CFAP77: variants seen among roughly 807,000 people sequenced by gnomAD.
CFAP77 encodes cilia- and flagella-associated protein 77.
Under a neutral mutation model 31.1 loss-of-function variants are expected in CFAP77, and 25 were observed. That is an observed-to-expected ratio of 0.80 (90% CI 0.59 to 1.12). CFAP77 has a LOEUF of 1.12. CFAP77 is among the 50% of genes most tolerant of loss of function. CFAP77 has a pLI of 0.00. For missense variants in CFAP77, 377 were observed against 397.3 expected (o/e 0.95, Z 0.44); for synonymous variants, 151 against 159.9 (o/e 0.94, Z 0.42).
intron 1 of CFAP77, among the ~76,000 whole-genome samples, chr9:132,451,803 TTTTC>T (rs1456171582): frequency 2.0e-5 from 3 of 148,950 alleles, no homozygotes; most frequent in African/African-American, 7.4e-5. Context: ...TTTCTTTTTC[TTTTC>T]TTTTTTTTTT....
rs1476240334 is a variant in CFAP77 at position 132,490,895 on chromosome 9, C to G, written c.196-7800C>G. 2.6e-5 allele frequency among the ~76,000 whole-genome samples: 4 copies of G among 152,160 alleles called. No individual in the cohort carries two copies. The highest frequency in any genetic ancestry group is 5.9e-5 in the Non-Finnish European group (4 of 68,032). ...TCTGCATGGCGTCTGCGTGTTCTCCCCGTGTCTGTGTGGGTTTTTCTCCAG... is the reference window on the plus strand; with the variant it reads ...TCTGCATGGCGTCTGCGTGTTCTCCGCGTGTCTGTGTGGGTTTTTCTCCAG... On this transcript the variant is annotated intron_variant, in intron 1 of 5. Coordinates refer to ENST00000393216, the MANE Select transcript of CFAP77 (RefSeq NM_001282957.2). This position sits in a 1 kb window ranked among gnomAD's most constrained non-coding sequence, Gnocchi z 4.6.
intron 5 of CFAP77, among the ~76,000 whole-genome samples, chr9:132,544,834 C>T (rs569238295): frequency 6.6e-6 from 1 of 152,280 alleles, no homozygotes; most frequent in South Asian, 2.1e-4. Flanking sequence ...CCCTGCAGTT[C>T]ATGGGGACGC....
chr9:132,444,974 C>CTTTT (rs564127221), intron 1 of CFAP77, among the ~76,000 whole-genome samples: 5 of 133,754 alleles, frequency 3.7e-5, no homozygotes, highest in African/African-American at 8.3e-5. Flanking sequence ...TTCTTTCTTT[C>CTTTT]TTTTTTTTTT....
chr9:132,496,953 T>G (rs111809779), intron 1 of CFAP77, among the ~76,000 whole-genome samples: 7 of 152,242 alleles, frequency 4.6e-5, no homozygotes, highest in African/African-American at 1.7e-4. Context: ...GCAGAACAGA[T>G]AGCTAAGAGT....
At chr9:132,413,947 C>T (rs1309101276) in intron 1 of CFAP77, among the ~76,000 whole-genome samples, 1 of 152,214 alleles carries the variant, frequency 6.6e-6, no homozygotes, top group Non-Finnish European at 1.5e-5. Flanking sequence ...GGCTGGAAGA[C>T]ATCTTACAGA....
At chr9:132,443,323 G>A (rs1406250853) in intron 1 of CFAP77, among the ~76,000 whole-genome samples, 1 of 149,012 alleles carries the variant, frequency 6.7e-6, no homozygotes, top group African/African-American at 2.5e-5. Flanking sequence ...GCGTGATCTC[G>A]GCTCACCGCA....
chr9:132,475,347 A>G (rs1007740981), intron 1 of CFAP77, among the ~76,000 whole-genome samples: 5 of 152,226 alleles, frequency 3.3e-5, no homozygotes, highest in Non-Finnish European at 5.9e-5. Context: ...GGGCCTGAGC[A>G]GATGTTGAAT....
chr9:132,423,063 A>C (rs984561486), intron 1 of CFAP77, among the ~76,000 whole-genome samples: 2 of 152,148 alleles, frequency 1.3e-5, no homozygotes, highest in African/African-American at 4.8e-5. Flanking sequence ...CTTAGGGCTG[A>C]GTGTTGGGCT....
At chr9:132,486,686 G>A (rs879632002) in intron 1 of CFAP77, among the ~76,000 whole-genome samples, 1 of 152,250 alleles carries the variant, frequency 6.6e-6, no homozygotes, top group African/African-American at 2.4e-5. Context: ...CCCAGAGGCC[G>A]GGGACTCCGA....
chr9:132,572,161 C>T (rs1447875535), intron 5 of CFAP77, among the ~76,000 whole-genome samples: 2 of 152,128 alleles, frequency 1.3e-5, no homozygotes, highest in African/African-American at 4.8e-5. Flanking sequence ...TGTATCTTCC[C>T]CAGCAAGGAG....
chr9:132,552,615 G>T lies in CFAP77; in HGVS notation c.732+9568G>T, dbSNP rs544819802. On this transcript the variant is annotated intron_variant, in intron 5 of 5. Coordinates refer to ENST00000393216, the MANE Select transcript of CFAP77 (RefSeq NM_001282957.2). The surrounding 1 kb of genome is among the most constrained non-coding windows in gnomAD (Gnocchi z 5.5). Reference sequence around the variant, plus strand: ...GCAGGCTGAGGCAGGAGAATTGCTTGAACCTGGGAGGTTGAGGTTGCTGTG... The same window carrying T: ...GCAGGCTGAGGCAGGAGAATTGCTTTAACCTGGGAGGTTGAGGTTGCTGTG... 1.3e-5 allele frequency among the ~76,000 whole-genome samples: 2 copies of T among 151,258 alleles called. No individual in the cohort carries two copies. The highest frequency in any genetic ancestry group is 1.3e-4 in the Admixed American group (2 of 15,154).
At chr9:132,465,066 T>A (rs1851126816) in intron 1 of CFAP77, among the ~76,000 whole-genome samples, 1 of 121,986 alleles carries the variant, frequency 8.2e-6, no homozygotes, top group Admixed American at 9.4e-5. Flanking sequence ...AGAGCGAGAC[T>A]CTGTCTCAAA....
chr9:132,566,812 C>CCT (rs1829889590), intron 5 of CFAP77, among the ~76,000 whole-genome samples: 2 of 152,184 alleles, frequency 1.3e-5, no homozygotes, highest in African/African-American at 4.8e-5. Context: ...CCCTCCTGTT[C>CCT]TCTCCCTTCC....
intron 1 of CFAP77, among the ~76,000 whole-genome samples, chr9:132,420,559 G>T (rs919485247): frequency 6.6e-6 from 1 of 151,884 alleles, no homozygotes; most frequent in African/African-American, 2.4e-5. Context: ...TACTCGGGAG[G>T]CTGAGGCAGG....
At chr9:132,456,349 G>T (rs1850913013) in intron 1 of CFAP77, among the ~76,000 whole-genome samples, 3 of 152,146 alleles carry the variant, frequency 2.0e-5, no homozygotes, top group African/African-American at 7.2e-5. Flanking sequence ...ACGTGCCTGT[G>T]CCTGTTCCCA....
At chr9:132,505,858 C>T (rs919682918) in intron 3 of CFAP77, among the ~76,000 whole-genome samples, 21 of 151,886 alleles carry the variant, frequency 1.4e-4, no homozygotes, top group African/African-American at 4.6e-4. Flanking sequence ...CTGGTGTAGA[C>T]GGATTGTCTC....
At chr9:132,446,819 A>G (rs559348381) in intron 1 of CFAP77, among the ~76,000 whole-genome samples, 4 of 152,044 alleles carry the variant, frequency 2.6e-5, no homozygotes, top group Non-Finnish European at 5.9e-5. Context: ...AAGCATGCCA[A>G]ATGCTTTCAA....
At chr9:132,437,500 T>G (rs2151336) in intron 1 of CFAP77, among the ~76,000 whole-genome samples, 5 of 147,636 alleles carry the variant, frequency 3.4e-5, no homozygotes, top group South Asian at 2.1e-4. Context: ...GGACCACTTT[T>G]GCATTTTTTT....
rs945219872 is a variant in CFAP77 at position 132,572,876 on chromosome 9, G to A, written c.*366G>A. 2.0e-5 allele frequency: 5 copies of A among 252,960 alleles called. No homozygotes were observed. The highest frequency in any genetic ancestry group is 3.7e-5 in the Non-Finnish European group (5 of 133,344). The allele number at this position is 252,960 out of a possible 1,614,324, so 15.7% of individuals were successfully genotyped here. On this transcript the variant is annotated 3_prime_UTR_variant, in exon 6 of 6. Coordinates refer to ENST00000393216, the MANE Select transcript of CFAP77 (RefSeq NM_001282957.2). ...GATTCCATGGCTCTGCCCATTAAGTGTTAAGAACGACCTGTGTATTTGCTG... is the reference window on the plus strand; with the variant it reads ...GATTCCATGGCTCTGCCCATTAAGTATTAAGAACGACCTGTGTATTTGCTG...
Sources: allele counts gnomAD v4.1 joint callset (sites outside exome capture counted in the v4.1 genomes callset), GRCh38; gene constraint gnomAD v4.1.1; non-coding constraint Gnocchi (gnomAD v3.1); transcripts MANE v1.5; gene names NCBI Gene and HGNC (gene_info 2026-07-23, HGNC 2026-07-21).